The following PRMT7 variants were observed in gnomAD, a reference collection of about 807,000 sequenced individuals.
The protein encoded by PRMT7 is protein arginine N-methyltransferase 7.
A neutral mutation model predicts 85.4 loss-of-function variants in PRMT7; 75 were observed. The observed-to-expected ratio is 0.88, with a 90% CI of 0.73 to 1.06. The LOEUF is 1.06. PRMT7 is among the 50% of genes least tolerant of loss of function. The pLI, the probability that PRMT7 is intolerant of heterozygous loss-of-function variation, is 0.00. For synonymous variants in PRMT7, 397 were observed against 359.5 expected, an observed-to-expected ratio of 1.10 and a Z score of -1.18; for missense variants, 868 against 915.2, an observed-to-expected ratio of 0.95 and a Z score of 0.67.
intron 2 of PRMT7, 22 bp from the exon 3 acceptor site, chr16:68,315,873 CCT>C (rs1597097509): frequency 8.9e-6 from 8 of 898,220 alleles, no homozygotes; most frequent in Non-Finnish European, 1.3e-5. Context: ...TTATATACCT[CCT>C]GTTTCCTTCT....
chr16:68,344,933 T>TACACACACACAC (rs368385265), intron 9 of PRMT7, among the ~76,000 whole-genome samples: 1,809 of 131,154 alleles, frequency 0.014, 60 homozygotes, highest in African/African-American at 0.05. Flanking sequence ...CCTGCATCTC[T>TACACACACACAC]ACACACACAC....
intron 3 of PRMT7, 179 bp downstream of exon 3, chr16:68,316,253 C>T (rs1346991292): frequency 3.5e-6 from 2 of 568,010 alleles, no homozygotes; most frequent in Non-Finnish European, 3.2e-6. Context: ...TAGGCAAAAT[C>T]ATGCCTGTTT....
At chr16:68,349,023 C>A (rs1428836950) in intron 14 of PRMT7, among the ~76,000 whole-genome samples, 1 of 152,090 alleles carries the variant, frequency 6.6e-6, no homozygotes, top group African/African-American at 2.4e-5. Flanking sequence ...CAGAGCATGT[C>A]CTTTCCTCTC....
Position 68,343,244 on chromosome 16 carries a change from C to T in PRMT7, c.928-2431C>T, listed in dbSNP as rs151008365. Among the ~76,000 whole-genome samples, 145 of 152,150 alleles carry T rather than the reference C, an allele frequency of 9.5e-4. 1 individual carries two copies. Among genetic ancestry groups the T allele is most frequent in the African/African-American group, 3.2e-3 (133 of 41,508 alleles). The stretch of plus-strand genomic sequence containing the variant: ...TTAGTACTTTTAATTTGCATATCTT[C>T]GGAGCGCTACTATGTATTTTTTCTC... On this transcript the variant is annotated intron_variant, in intron 9 of 18. Coordinates refer to ENST00000441236, the MANE Select transcript of PRMT7 (RefSeq NM_019023.5).
At chr16:68,349,424 A>C (rs1230487552) in intron 14 of PRMT7, among the ~76,000 whole-genome samples, 4 of 152,180 alleles carry the variant, frequency 2.6e-5, no homozygotes, top group Non-Finnish European at 5.9e-5. Context: ...AATATGCCAC[A>C]AACTGGACTC....
At chr16:68,332,491 C>T (rs1344107758) in intron 6 of PRMT7, among the ~76,000 whole-genome samples, 2 of 152,132 alleles carry the variant, frequency 1.3e-5, no homozygotes, top group South Asian at 2.1e-4. Context: ...GCAGGGTTTC[C>T]CTTGTCTGGC....
At chr16:68,340,019 T>C (rs2151740162) in intron 9 of PRMT7, 51 bp downstream of exon 9, 1 of 1,506,432 alleles carries the variant, frequency 6.6e-7, no homozygotes, top group Non-Finnish European at 8.9e-7. Context: ...TGTCCACTGC[T>C]GTTCATGGGA....
chr16:68,348,203 A>G (rs1009998782), intron 13 of PRMT7, 139 bp from the exon 14 acceptor site: 5 of 714,720 alleles, frequency 7.0e-6, no homozygotes, highest in Non-Finnish European at 1.2e-5. Context: ...GGATTTTTCC[A>G]CAAAGCAGAT....
chr16:68,354,580 TG>T (rs1181782919), intron 16 of PRMT7: 1 of 152,320 alleles, frequency 6.6e-6, no homozygotes, highest in Non-Finnish European at 1.5e-5. Flanking sequence ...GTATCTTATC[TG>T]CCCCTCACAG....
At chr16:68,342,239 C>T (rs2085654631) in intron 9 of PRMT7, among the ~76,000 whole-genome samples, 1 of 152,140 alleles carries the variant, frequency 6.6e-6, no homozygotes, top group Non-Finnish European at 1.5e-5. Flanking sequence ...GGTCACACCA[C>T]TGCACTCAAA....
In PRMT7 at chr16:68,339,445, A is replaced by T; in HGVS notation, c.628A>T (p.Ile210Phe). 6.2e-7 allele frequency: 1 copy of T among 1,614,238 alleles called. No individual in the cohort carries two copies. The highest frequency in any genetic ancestry group is 1.1e-5 in the South Asian group (1 of 91,084). Residue 210 changes from isoleucine (I) to phenylalanine (F), a missense_variant, in exon 8 of 19, where the codon ATC becomes TTC. By Grantham distance (21) the Ile-to-Phe change is conservative (BLOSUM62 0). Transcript: ENST00000441236. The stretch of plus-strand genomic sequence containing the variant: ...GCAGACCAGCCTCGGAGAGCAGGTC[A>T]TCGTCCCTCCCGTTGACGTGGAGAG... ...HVQTSLGEQV[I>F]VPPVDVESCP...
chr16:68,355,989 G>A, intron 17 of PRMT7, 106 bp downstream of exon 17: 4 of 1,237,546 alleles, frequency 3.2e-6, no homozygotes, highest in Non-Finnish European at 4.3e-6. Flanking sequence ...ACACGTGGAG[G>A]GGGTATTCGT....
At chr16:68,353,792 T>TG (rs1426962063) in intron 16 of PRMT7, among the ~76,000 whole-genome samples, 2 of 152,218 alleles carry the variant, frequency 1.3e-5, no homozygotes, top group Non-Finnish European at 2.9e-5. Flanking sequence ...GTCCTGTCAT[T>TG]GCAACTGCCC....
At chr16:68,354,159 C>G (rs945392651) in intron 16 of PRMT7, among the ~76,000 whole-genome samples, 1 of 152,160 alleles carries the variant, frequency 6.6e-6, no homozygotes, top group African/African-American at 2.4e-5. Flanking sequence ...TGGTGGATTG[C>G]TTGAGCCCAG....
intron 9 of PRMT7, among the ~76,000 whole-genome samples, chr16:68,340,766 C>T (rs2085405726): frequency 6.6e-6 from 1 of 152,138 alleles, no homozygotes; most frequent in African/African-American, 2.4e-5. Context: ...GGGGCTGTGG[C>T]TGGATTTGCG....
chr16:68,330,724 A>T (rs2083751093), intron 6 of PRMT7, among the ~76,000 whole-genome samples: 1 of 151,804 alleles, frequency 6.6e-6, no homozygotes, highest in African/African-American at 2.4e-5. Flanking sequence ...CCTCATGAGT[A>T]GCTGGGATTA....
At position 68,357,507 on chromosome 16, in the gene PRMT7, A is replaced by T. The variant is rs2088808554; in HGVS notation, c.*283A>T. ...GTGCTGAGAATGCTCCAACACAGAG[A>T]CATCTCTCCCCAGCTGGGAAGGGAG... On this transcript the variant is annotated 3_prime_UTR_variant, in exon 19 of 19. Transcript: ENST00000441236. 1 of 363,368 alleles carries T rather than the reference A, an allele frequency of 2.8e-6. No homozygotes were observed. The highest frequency in any genetic ancestry group is 5.0e-6 in the Non-Finnish European group (1 of 201,442). The allele number at this position is 363,368 out of a possible 1,614,324, so 22.5% of individuals were successfully genotyped here.
At chr16:68,324,329 A>G (rs553722638) in intron 4 of PRMT7, 125 of 270,124 alleles carry the variant, frequency 4.6e-4, no homozygotes, top group Non-Finnish European at 7.7e-4. Flanking sequence ...TGAGAACAGC[A>G]GCATGCAGAA....
chr16:68,339,715 G>T, intron 8 of PRMT7, 73 bp from the exon 9 acceptor site: 3 of 1,576,588 alleles, frequency 1.9e-6, no homozygotes, highest in Non-Finnish European at 1.7e-6. Context: ...TGCCAGTGAA[G>T]TCACTGTAAA....
Sources: allele counts gnomAD v4.1 joint callset (sites outside exome capture counted in the v4.1 genomes callset), GRCh38; gene constraint gnomAD v4.1.1; transcripts MANE v1.5; gene names NCBI Gene and HGNC (gene_info 2026-07-23, HGNC 2026-07-21).